GCKR: variants seen among roughly 807,000 people sequenced by gnomAD.
GCKR encodes glucokinase regulator.
GCKR carries 73 observed loss-of-function variants against 82.9 expected under a neutral mutation model. The observed-to-expected ratio is 0.88, with a 90% confidence interval of 0.73 to 1.07. GCKR has a LOEUF of 1.07. Among genes scored for constraint, GCKR ranks in the 50% least tolerant of loss-of-function variants. The probability of loss-of-function intolerance (pLI) is 0.00; values close to 1 mark genes in which losing one functional copy is unlikely to be tolerated. For synonymous variants in GCKR, 294 were observed against 291.8 expected, an observed-to-expected ratio of 1.01 and a Z score of -0.08; for missense variants, 784 against 782.1, an observed-to-expected ratio of 1.00 and a Z score of -0.03.
Position 27,501,154 on chromosome 2 carries a change from A to G in GCKR, c.569A>G (p.Gln190Arg). ...VGLSAPFVAG[Q>R]MDCCMNNTAV... ...CATCAGGCTCCCTTTGTGGCAGGCC[A>G]GATGGACTGCTGCATGAACAACACA... The change falls in exon 8 of 19, where the codon CAG becomes CGG. Residue 190 changes from glutamine (Q) to arginine (R), a missense_variant. Gln to Arg is a conservative substitution (Grantham distance 43). Coordinates refer to ENST00000264717, the MANE Select transcript of GCKR (RefSeq NM_001486.4). 2 of 1,613,652 alleles carry G rather than the reference A, an allele frequency of 1.2e-6. No homozygotes were observed. The highest frequency in any genetic ancestry group is 1.7e-6 in the Non-Finnish European group (2 of 1,179,512).
chr2:27,511,243 G>C (rs945747190), intron 16 of GCKR, among the ~76,000 whole-genome samples: 14 of 151,824 alleles, frequency 9.2e-5, no homozygotes, highest in Non-Finnish European at 2.1e-4. Context: ...GGCCGGGCTG[G>C]TCTCGAACTT....
chr2:27,506,955 C>A, intron 12 of GCKR, 70 bp downstream of exon 12: 1 of 1,008,696 alleles, frequency 9.9e-7, no homozygotes, highest in Non-Finnish European at 1.6e-6. Context: ...TCTCCAAACA[C>A]TGTCCTACTC....
At chr2:27,521,412 C>T (rs1670151284) in intron 17 of GCKR, among the ~76,000 whole-genome samples, 1 of 151,448 alleles carries the variant, frequency 6.6e-6, no homozygotes, top group African/African-American at 2.4e-5. Flanking sequence ...CTCACTGCAA[C>T]CTCCACCTCC....
At chr2:27,503,143 A>C (rs934429059) in intron 8 of GCKR, among the ~76,000 whole-genome samples, 1 of 152,222 alleles carries the variant, frequency 6.6e-6, no homozygotes, top group Non-Finnish European at 1.5e-5. Flanking sequence ...CCTAAGATGG[A>C]AAATAAGGTG....
chr2:27,499,564 C>T (rs1669523184), intron 7 of GCKR, 114 bp downstream of exon 7: 1 of 873,668 alleles, frequency 1.1e-6, no homozygotes, highest in Non-Finnish European at 2.0e-6. Flanking sequence ...GAAGTTTGCT[C>T]AAGGAATTTT....
At chr2:27,502,910 T>C (rs1669619720) in intron 8 of GCKR, among the ~76,000 whole-genome samples, 1 of 152,242 alleles carries the variant, frequency 6.6e-6, no homozygotes, top group Non-Finnish European at 1.5e-5. Flanking sequence ...TCTTTGAGAT[T>C]CCGTGATTTG....
At chr2:27,497,169 A>G in intron 1 of GCKR, 75 bp from the exon 2 acceptor site, 1 of 1,550,628 alleles carries the variant, frequency 6.4e-7, no homozygotes, top group East Asian at 2.2e-5. Flanking sequence ...GCCTGCTGCC[A>G]CTCCCACCTC....
At position 27,517,013 on chromosome 2, in the gene GCKR, C is replaced by CT. The variant is rs10549495; in HGVS notation, c.1423-1757dup. 9.4e-4 allele frequency among the ~76,000 whole-genome samples: 127 copies of CT among 135,086 alleles called. 1 individual carries two copies. Among genetic ancestry groups the CT allele is most frequent in the African/African-American group, 2.0e-3 (73 of 36,434 alleles). 88.6% of individuals were successfully genotyped at this position (135,086 alleles called of 152,430 possible). ...TGGCTAGGACCACGTGTATTAGTAC[C>CT]TTTTTTTTTTTTTTTTTTAATATGG... On this transcript the variant is annotated intron_variant, in intron 16 of 18. Coordinates refer to ENST00000264717, the MANE Select transcript of GCKR (RefSeq NM_001486.4).
chr2:27,517,909 T>C (rs1265788583), intron 16 of GCKR, among the ~76,000 whole-genome samples: 4 of 152,208 alleles, frequency 2.6e-5, no homozygotes, highest in African/African-American at 9.6e-5. Context: ...AGGTCCTCAT[T>C]CTCCATCTCG....
chr2:27,508,266 A>AT lies in GCKR; in HGVS notation c.1422+15_1422+16insT. 1.3e-6 allele frequency: 2 copies of AT among 1,510,632 alleles called. No homozygotes were observed. The highest frequency in any genetic ancestry group is 1.8e-6 in the Non-Finnish European group (2 of 1,085,500). The allele number at this position is 1,510,632 out of a possible 1,614,324, so 93.6% of individuals were successfully genotyped here. On this transcript the variant is annotated intron_variant, in intron 16 of 18. Transcript: ENST00000264717. ...ACTTCATCCAGGTATGGGGAATGAG[A>AT]AGGTCCTATCTGCAGTAAGGGGCTC...
intron 9 of GCKR, among the ~76,000 whole-genome samples, chr2:27,503,867 A>G (rs1273836555): frequency 1.3e-5 from 2 of 152,232 alleles, no homozygotes; most frequent in Non-Finnish European, 2.9e-5. Flanking sequence ...GGTCTGGGAC[A>G]GTTTCTATTT....
intron 16 of GCKR, among the ~76,000 whole-genome samples, chr2:27,515,674 A>G (rs1669984155): frequency 6.7e-6 from 1 of 149,358 alleles, no homozygotes; most frequent in Admixed American, 6.7e-5. Flanking sequence ...ATTTATTGGG[A>G]GTTTATTCTT....
rs367820021 is a variant in GCKR at position 27,496,930 on chromosome 2, A to G, written c.26A>G (p.His9Arg). The G allele has an allele frequency of 2.5e-5, 41 of 1,613,700 alleles. No individual in the cohort carries two copies. In the African/African-American group the frequency reaches 4.8e-4, roughly 19 times the overall value. ...ATGCCAGGCACAAAACGGTTTCAAC[A>G]TGTCATTGAGACCCCGGAGCCTGGC... is the stretch of plus-strand genomic sequence containing the variant. MPGTKRFQ[H>R]VIETPEPGKW... Residue 9 changes from histidine (H) to arginine (R), a missense_variant, in exon 1 of 19, where the codon CAT becomes CGT. His to Arg is a conservative substitution (Grantham distance 29). Transcript: ENST00000264717.
intron 16 of GCKR, among the ~76,000 whole-genome samples, chr2:27,517,937 C>G (rs754319891): frequency 4.6e-5 from 7 of 152,138 alleles, no homozygotes; most frequent in Non-Finnish European, 8.8e-5. Context: ...ATGAGCTTCT[C>G]CAAGTTAATT....
chr2:27,519,538 G>A (rs374585108), intron 17 of GCKR, among the ~76,000 whole-genome samples: 1 of 152,064 alleles, frequency 6.6e-6, no homozygotes, highest in East Asian at 1.9e-4. Context: ...CTGACCTCAG[G>A]TGATCCACCT....
At position 27,518,778 on chromosome 2, in the gene GCKR, C is replaced by T. The variant is rs902662293; in HGVS notation, c.1423-10C>T. ...AATTTTTGACACCCCCATGTGTCTG[C>T]CCTTTTCAGAAGTTCCAGCGTGAGC... is the stretch of plus-strand genomic sequence containing the variant. On this transcript the variant is annotated splice_polypyrimidine_tract_variant and intron_variant, in intron 16 of 18. Transcript: ENST00000264717. 3 of 1,610,970 alleles carry T rather than the reference C, an allele frequency of 1.9e-6. No homozygotes were observed. Among genetic ancestry groups the T allele is most frequent in the Admixed American group, 3.3e-5 (2 of 59,998 alleles).
At chr2:27,519,074 G>T in intron 17 of GCKR, 137 bp downstream of exon 17, 1 of 726,524 alleles carries the variant, frequency 1.4e-6, no homozygotes, top group Non-Finnish European at 2.4e-6. Flanking sequence ...CCTCCTATTA[G>T]GTGCATCTTC....
chr2:27,499,275 C>T (rs1246226087), intron 6 of GCKR, 67 bp downstream of exon 6: 1 of 1,384,606 alleles, frequency 7.2e-7, no homozygotes, highest in South Asian at 1.2e-5. Context: ...ACATAAAAGC[C>T]CCAGCATTCA....
intron 8 of GCKR, 131 bp from the exon 9 acceptor site, chr2:27,503,383 C>G (rs1279814400): frequency 1.4e-6 from 1 of 712,452 alleles, no homozygotes; most frequent in East Asian, 2.7e-5. Flanking sequence ...AGTTCCAAAG[C>G]ATATGTCTGT....
Sources: gnomAD v4.1 joint callset for allele counts (sites outside exome capture counted in the v4.1 genomes callset) on GRCh38, gnomAD v4.1.1 for gene constraint, MANE v1.5 for transcripts, NCBI Gene and HGNC (gene_info 2026-07-23, HGNC 2026-07-21) for gene names.